Variants in STK3 observed in about 807,000 individuals in gnomAD.
The protein encoded by STK3 is serine/threonine-protein kinase 3.
Under a neutral mutation model 58.0 loss-of-function variants are expected in STK3, and 41 were observed. The ratio of observed to expected loss-of-function variants is 0.71; its 90% CI spans 0.55 to 0.92. The LOEUF (loss-of-function observed/expected upper bound fraction) is 0.92. Among genes scored for constraint, STK3 ranks in the 40% least tolerant of loss-of-function variants. STK3 has a pLI of 0.00. For missense variants in STK3, 479 were observed against 602.7 expected, an observed-to-expected ratio of 0.79 and a Z score of 2.15; for synonymous variants, 170 against 191.0, an observed-to-expected ratio of 0.89 and a Z score of 0.91.
the STK3 span, among the ~76,000 whole-genome samples, chr8:98,355,244 G>A: frequency 6.6e-6 from 1 of 152,190 alleles, no homozygotes; most frequent in African/African-American, 2.4e-5. Flanking sequence ...GTGCTAAGAT[G>A]AGGCTGGAAT....
At chr8:98,600,642 ACATT>A (rs1816254400) in intron 6 of STK3, among the ~76,000 whole-genome samples, 1 of 152,220 alleles carries the variant, frequency 6.6e-6, no homozygotes, top group East Asian at 1.9e-4. Context: ...TCTGTTATAT[ACATT>A]CAGTCTCTAG....
chr8:98,374,634 A>G (rs912973677), intron 2 of STK3, among the ~76,000 whole-genome samples: 3 of 152,216 alleles, frequency 2.0e-5, no homozygotes, highest in African/African-American at 7.2e-5. Context: ...GGAATTTTGC[A>G]TGCAGTGTGT....
chr8:98,366,348 G>A (rs565176572), downstream of STK3, among the ~76,000 whole-genome samples: 47 of 152,104 alleles, frequency 3.1e-4, no homozygotes, highest in Non-Finnish European at 2.9e-5. Flanking sequence ...ATGACTTAAA[G>A]AAATTCTTTA....
intron 4 of STK3, among the ~76,000 whole-genome samples, chr8:98,708,609 G>C (rs1229218620): frequency 6.6e-6 from 1 of 152,162 alleles, no homozygotes; most frequent in Non-Finnish European, 1.5e-5. Flanking sequence ...TGTAGCAGTA[G>C]AGCCACTGCT....
intron 4 of STK3, among the ~76,000 whole-genome samples, chr8:98,727,081 C>T (rs1360378057): frequency 6.6e-6 from 1 of 152,200 alleles, no homozygotes; most frequent in African/African-American, 2.4e-5. Flanking sequence ...GAAATCACTA[C>T]TTCTCCATTC....
At chr8:98,403,931 G>C (rs554417188) in intron 3 of STK3, among the ~76,000 whole-genome samples, 17 of 152,206 alleles carry the variant, frequency 1.1e-4, no homozygotes, top group Non-Finnish European at 2.4e-4. Flanking sequence ...GATATATGCA[G>C]ATTTTGTTTT....
chr8:98,570,457 T>A (rs1812869338), intron 8 of STK3, among the ~76,000 whole-genome samples: 2 of 152,090 alleles, frequency 1.3e-5, no homozygotes, highest in African/African-American at 4.8e-5. Context: ...TATTTATTTT[T>A]AATTTTAAAA....
At chr8:98,926,053 G>A (rs1219802073) in intron 1 of STK3, among the ~76,000 whole-genome samples, 1 of 152,192 alleles carries the variant, frequency 6.6e-6, no homozygotes, top group Non-Finnish European at 1.5e-5. Flanking sequence ...TGAGAAGGAA[G>A]TGAATAATTT....
At chr8:98,375,675 T>G (rs1289022330) in intron 2 of STK3, among the ~76,000 whole-genome samples, 1 of 150,098 alleles carries the variant, frequency 6.7e-6, no homozygotes, top group Admixed American at 6.7e-5. Flanking sequence ...TTTTGCAACT[T>G]TTTTTTTTTA....
chr8:98,590,636 G>A (rs539785207), intron 7 of STK3, among the ~76,000 whole-genome samples: 14 of 152,310 alleles, frequency 9.2e-5, no homozygotes, highest in South Asian at 8.3e-4. Context: ...ATGCACGTCC[G>A]TGTGAAGAGA....
At chr8:98,411,577 C>T (rs1234390658) in intron 3 of STK3, among the ~76,000 whole-genome samples, 4 of 152,260 alleles carry the variant, frequency 2.6e-5, no homozygotes, top group African/African-American at 9.6e-5. Context: ...TCCAGTCTTT[C>T]CAACAAAAGA....
chr8:98,524,474 A>G (rs1474275604), intron 10 of STK3, among the ~76,000 whole-genome samples: 2 of 152,252 alleles, frequency 1.3e-5, no homozygotes, highest in Non-Finnish European at 2.9e-5. Flanking sequence ...ATTAAAGCTT[A>G]TAATCTATGA....
chr8:98,437,139 A>T (rs1230019080), exon 2 of STK3: 1 of 152,320 alleles, frequency 6.6e-6, no homozygotes, highest in Non-Finnish European at 1.5e-5. Flanking sequence ...CTCCTGTTGA[A>T]TATAACCGCA....
At chr8:98,496,160 G>A (rs1483510295) in intron 10 of STK3, among the ~76,000 whole-genome samples, 1 of 152,036 alleles carries the variant, frequency 6.6e-6, no homozygotes, top group Non-Finnish European at 1.5e-5. Flanking sequence ...ACAGTGCCTA[G>A]CACAGAGCAG....
upstream of STK3, among the ~76,000 whole-genome samples, chr8:98,828,437 CAAAAAAAAAAA>C (rs367737626): frequency 7.4e-4 from 36 of 48,584 alleles, no homozygotes; most frequent in African/African-American, 2.7e-3. Flanking sequence ...CCCATCTCTA[CAAAAAAAAAAA>C]AAAAAAAAAA....
Position 98,713,449 on chromosome 8 carries a change from C to T in STK3, c.352-6138G>A, listed in dbSNP as rs544556416. Among the ~76,000 whole-genome samples the T allele has an allele frequency of 7.3e-4, 111 of 152,240 alleles. 1 individual carries two copies. Among genetic ancestry groups the T allele is most frequent in the African/African-American group, 2.6e-3 (109 of 41,536 alleles). On this transcript the variant is annotated intron_variant, in intron 4 of 10. Coordinates refer to ENST00000419617, the MANE Select transcript of STK3 (RefSeq NM_006281.4). ...TAAAAAAATGATAAAGGTGATATCACCACCGATCCCATAGAAATACAGACT... is the reference window on the plus strand; with the variant it reads ...TAAAAAAATGATAAAGGTGATATCATCACCGATCCCATAGAAATACAGACT...
intron 10 of STK3, among the ~76,000 whole-genome samples, chr8:98,477,712 GGGGGTGGGC>G (rs1821474169): frequency 1.4e-5 from 1 of 73,998 alleles, no homozygotes; most frequent in Non-Finnish European, 3.0e-5. Flanking sequence ...CGGGGGGGGG[GGGGGTGGGC>G]GGGGGGGGGC....
chr8:98,849,850 A>G (rs947322503), intron 3 of STK3, among the ~76,000 whole-genome samples: 1 of 152,176 alleles, frequency 6.6e-6, no homozygotes, highest in Admixed American at 6.5e-5. Flanking sequence ...CCTGGGTTAC[A>G]GGCCCATTCC....
At chr8:98,626,431 A>G (rs1001174345) in intron 6 of STK3, among the ~76,000 whole-genome samples, 2 of 152,234 alleles carry the variant, frequency 1.3e-5, no homozygotes, top group African/African-American at 4.8e-5. Context: ...AGCCACACTC[A>G]TTCATTTATG....
Sources: allele counts gnomAD v4.1 joint callset (sites outside exome capture counted in the v4.1 genomes callset), GRCh38; gene constraint gnomAD v4.1.1; transcripts MANE v1.5; gene names NCBI Gene and HGNC (gene_info 2026-07-23, HGNC 2026-07-21).